NELL1: variants seen among roughly 807,000 people sequenced by gnomAD.
NELL1 encodes neural EGFL like 1.
A neutral mutation model predicts 107.4 loss-of-function variants in NELL1; 76 were observed. The ratio of observed to expected loss-of-function variants is 0.71; its 90% CI spans 0.59 to 0.86. The LOEUF is 0.86. Ranked by LOEUF, NELL1 falls within the 40% of genes least tolerant of loss-of-function variation. NELL1 has a pLI of 0.00. For missense variants in NELL1, 1,024 were observed against 1,005.5 expected (o/e 1.02, Z -0.25); for synonymous variants, 353 against 341.2 (o/e 1.03, Z -0.38).
intron 3 of NELL1, among the ~76,000 whole-genome samples, chr11:20,843,164 T>G (rs2134052017): frequency 6.6e-6 from 1 of 152,268 alleles, no homozygotes; most frequent in Middle Eastern, 3.4e-3. Flanking sequence ...CCTGCCTGGG[T>G]TTCTCTCTAT....
chr11:21,230,132 T>C (rs527517103), intron 14 of NELL1, among the ~76,000 whole-genome samples: 1 of 152,342 alleles, frequency 6.6e-6, no homozygotes. Context: ...GAAATGTTCT[T>C]TGACCACCCT....
chr11:21,133,653 G>A (rs1855675836), intron 13 of NELL1, among the ~76,000 whole-genome samples: 1 of 151,464 alleles, frequency 6.6e-6, no homozygotes, highest in Non-Finnish European at 1.5e-5. Context: ...AAAGCACCCA[G>A]GTTTGGCCTC....
intron 14 of NELL1, among the ~76,000 whole-genome samples, chr11:21,337,837 T>TTTCTTTTCTTTCTTTCTTTCTTTCTTTC (rs71034505): frequency 2.3e-5 from 2 of 86,610 alleles, no homozygotes; most frequent in African/African-American, 9.4e-5. Context: ...TCTTTCTTTC[T>TTTCTTTTCTTTCTTTCTTTCTTTCTTTC]TTTCTTTCTT....
At chr11:20,862,793 A>G (rs1387057141) in intron 4 of NELL1, among the ~76,000 whole-genome samples, 1 of 151,996 alleles carries the variant, frequency 6.6e-6, no homozygotes, top group Non-Finnish European at 1.5e-5. Flanking sequence ...GAGATTAGGG[A>G]GTGGCGATGA....
intron 2 of NELL1, among the ~76,000 whole-genome samples, chr11:20,697,411 TC>T (rs57039522): frequency 0.21 from 21,540 of 100,824 alleles, 1,738 homozygotes; most frequent in African/African-American, 0.26. Context: ...TTTTTTTTTT[TC>T]CTGCCAGGAA....
chr11:20,683,104 C>G (rs1415298211), intron 2 of NELL1, among the ~76,000 whole-genome samples: 1 of 151,552 alleles, frequency 6.6e-6, no homozygotes, highest in Non-Finnish European at 1.5e-5. Context: ...GTTCCCTTTC[C>G]CCTCTTTATG....
chr11:21,285,230 A>G (rs77445748), intron 14 of NELL1, among the ~76,000 whole-genome samples: 3,371 of 152,212 alleles, frequency 0.022, 137 homozygotes, highest in African/African-American at 0.077. Context: ...TTAGTCCACA[A>G]TTCTCCCTTC....
intron 1 of NELL1, chr11:20,674,666 A>T: frequency 1.4e-6 from 1 of 739,674 alleles, no homozygotes; most frequent in Non-Finnish European, 2.3e-6. Context: ...GAGGGAAGAG[A>T]CTGGACTGAA....
At chr11:20,773,961 CT>C (rs1009098174) in intron 2 of NELL1, among the ~76,000 whole-genome samples, 6 of 151,972 alleles carry the variant, frequency 3.9e-5, no homozygotes, top group Non-Finnish European at 5.9e-5. Context: ...TAAACATGAC[CT>C]TTTTTTCCCC....
chr11:21,096,160 TTA>T (rs1192642324), intron 12 of NELL1, among the ~76,000 whole-genome samples: 1 of 152,178 alleles, frequency 6.6e-6, no homozygotes, highest in East Asian at 1.9e-4. Flanking sequence ...CCAGGCCTTT[TTA>T]TGACTTACCC....
At chr11:20,686,288 T>A (rs1191031698) in intron 2 of NELL1, among the ~76,000 whole-genome samples, 1 of 152,094 alleles carries the variant, frequency 6.6e-6, no homozygotes, top group East Asian at 1.9e-4. Context: ...CCTGGTAGCA[T>A]TTATTTTGGG....
At chr11:20,817,505 G>C (rs1857649285) in intron 3 of NELL1, among the ~76,000 whole-genome samples, 1 of 151,948 alleles carries the variant, frequency 6.6e-6, no homozygotes, top group Non-Finnish European at 1.5e-5. Context: ...ATTTCTGTTT[G>C]TGCTTATTTG....
At chr11:21,283,905 C>T in intron 14 of NELL1, 1 of 237,830 alleles carries the variant, frequency 4.2e-6, no homozygotes, top group Admixed American at 5.0e-5. Flanking sequence ...TTCTCTTTTT[C>T]TCACACAATT....
At chr11:20,681,972 T>G (rs11025692) in intron 2 of NELL1, among the ~76,000 whole-genome samples, 21,029 of 152,102 alleles carry the variant, frequency 0.14, 1,547 homozygotes, top group African/African-American at 0.17. Context: ...ATCTTGTGAT[T>G]ATGTTGGAAC....
intron 15 of NELL1, among the ~76,000 whole-genome samples, chr11:21,497,814 C>T (rs992985058): frequency 1.9e-4 from 29 of 151,892 alleles, no homozygotes; most frequent in African/African-American, 5.8e-4. Flanking sequence ...CATGAGTATT[C>T]ACTCTTTGTA....
chr11:21,194,028 T>C (rs188098995), intron 13 of NELL1, among the ~76,000 whole-genome samples: 20 of 151,992 alleles, frequency 1.3e-4, no homozygotes, highest in Admixed American at 1.2e-3. Context: ...ATAATGTTAG[T>C]GTCCTTCACA....
At chr11:20,868,622 AT>A in intron 4 of NELL1, among the ~76,000 whole-genome samples, 1 of 152,314 alleles carries the variant, frequency 6.6e-6, no homozygotes, top group African/African-American at 2.4e-5. Context: ...TGAATTGTAC[AT>A]GAATTATATG....
At chr11:21,316,178 T>G (rs1020076705) in intron 14 of NELL1, among the ~76,000 whole-genome samples, 4 of 152,038 alleles carry the variant, frequency 2.6e-5, no homozygotes, top group Admixed American at 6.6e-5. Flanking sequence ...TCACCACAGC[T>G]AAATCCCTGA....
chr11:21,574,539 C>T (rs181164530), intron 19 of NELL1, among the ~76,000 whole-genome samples: 16 of 151,936 alleles, frequency 1.1e-4, no homozygotes, highest in Non-Finnish European at 1.5e-5. Flanking sequence ...TTATGCAAAC[C>T]TTACTGGACC....
Sources: gnomAD v4.1 joint callset for allele counts (sites outside exome capture counted in the v4.1 genomes callset) on GRCh38, gnomAD v4.1.1 for gene constraint, MANE v1.5 for transcripts, NCBI Gene and HGNC (gene_info 2026-07-23, HGNC 2026-07-21) for gene names.